ABCA6: variants seen among roughly 807,000 people sequenced by gnomAD.
ABCA6 encodes the protein ATP binding cassette subfamily A member 6, also known as ATP-binding cassette sub-family A member 6.
Under a neutral mutation model 191.2 loss-of-function variants are expected in ABCA6, and 164 were observed. That is an observed-to-expected ratio of 0.86 (90% CI 0.76 to 0.98). The LOEUF (loss-of-function observed/expected upper bound fraction) is 0.98, where lower values mean the gene tolerates loss of function less well. Among genes scored for constraint, ABCA6 ranks in the 50% least tolerant of loss-of-function variants. The probability of loss-of-function intolerance (pLI) is 0.00; values close to 1 mark genes in which losing one functional copy is unlikely to be tolerated. For missense variants in ABCA6, 1,958 were observed against 1,894.1 expected (o/e 1.03, Z -0.63); for synonymous variants, 636 against 647.7 (o/e 0.98, Z 0.27).
At chr17:69,096,510 T>G in intron 24 of ABCA6, 118 bp downstream of exon 24, 1 of 922,258 alleles carries the variant, frequency 1.1e-6, no homozygotes, top group South Asian at 3.3e-5. Flanking sequence ...CTTTGCATGT[T>G]TTTTGTTTTG....
At position 69,123,237 on chromosome 17, in the gene ABCA6, ACC is replaced by A; in HGVS notation, c.1436_1436+1del. On this transcript the variant is annotated splice_donor_variant and coding_sequence_variant, in exon 10 of 39. Transcript: ENST00000284425. LOFTEE classifies it high-confidence loss of function. ...ATTAGTATTACTTATAAGTGTGATT[ACC>A]TGATGGCTTCTTTTCCTTGGAATTC... 6.9e-7 allele frequency: 1 copy of A among 1,458,876 alleles called. No individual in the cohort carries two copies. Among genetic ancestry groups the A allele is most frequent in the Non-Finnish European group, 9.2e-7 (1 of 1,091,488 alleles). The allele number at this position is 1,458,876 out of a possible 1,614,324, so 90.4% of individuals were successfully genotyped here. A position where few individuals can be genotyped will look rare whatever the true frequency, so the allele number is the denominator to read the frequency against.
chr17:69,136,053 A>G, intron 4 of ABCA6, 39 bp downstream of exon 4: 1 of 1,586,174 alleles, frequency 6.3e-7, no homozygotes, highest in Non-Finnish European at 8.6e-7. Flanking sequence ...TGTTGAAAAC[A>G]TGAAAAATTC....
At chr17:69,107,671 C>T in intron 18 of ABCA6, 25 bp downstream of exon 18, 1 of 1,457,802 alleles carries the variant, frequency 6.9e-7, no homozygotes, top group Non-Finnish European at 9.5e-7. Context: ...AATTGGTTTT[C>T]TGTGAATTAT....
At chr17:69,137,685 A>G (rs907007365) in intron 2 of ABCA6, among the ~76,000 whole-genome samples, 185 bp from the exon 3 acceptor site, 1 of 152,196 alleles carries the variant, frequency 6.6e-6, no homozygotes, top group Non-Finnish European at 1.5e-5. Flanking sequence ...AGCCACATTT[A>G]TCATTCTCTA....
At position 69,113,614 on chromosome 17, in the gene ABCA6, T is replaced by A. The variant is rs1428192792; in HGVS notation, c.1902+4A>T. Reference sequence around the variant, plus strand: ...CTTCCTTCCCCATGCATAATCTCACTTACTTGAGGATCTCCTAAAATGGTA... The same window carrying A: ...CTTCCTTCCCCATGCATAATCTCACATACTTGAGGATCTCCTAAAATGGTA... On this transcript the variant is annotated splice_donor_region_variant and intron_variant, in intron 14 of 38. Transcript: ENST00000284425. The A allele has an allele frequency of 6.2e-7, 1 of 1,612,904 alleles. No homozygotes were observed.
chr17:69,140,538 AAGAGAATC>A, intron 2 of ABCA6, 62 bp downstream of exon 2: 1 of 858,006 alleles, frequency 1.2e-6, no homozygotes, highest in Non-Finnish European at 1.7e-6. Context: ...AAGAGAACAT[AAGAGAATC>A]AGTAGGTAAT....
Position 69,096,643 on chromosome 17 carries a change from T to C in ABCA6, c.3279A>G (p.Gln1093=). 1.3e-6 allele frequency: 2 copies of C among 1,535,202 alleles called. No homozygotes were observed. The highest frequency in any genetic ancestry group is 4.7e-5 in the East Asian group (2 of 42,812). ...TGTTACTTACCAAAGCAAACACAATTTGGCTTGTAATAAGAAGGTACTGCA... is the reference window on the plus strand; with the variant it reads ...TGTTACTTACCAAAGCAAACACAATCTGGCTTGTAATAAGAAGGTACTGCA... ...ENMQYLLITS[Q]IVFALVIVTP... Residue 1093 remains glutamine, a synonymous_variant, in exon 24 of 39, where the codon CAA becomes CAG. Transcript: ENST00000284425.
At chr17:69,105,910 A>C (rs1221715067) in intron 19 of ABCA6, 118 bp downstream of exon 19, 2 of 1,151,012 alleles carry the variant, frequency 1.7e-6, no homozygotes, top group Admixed American at 5.5e-5. Flanking sequence ...TTAAATGCTG[A>C]ATTTATCCAC....
intron 31 of ABCA6, 32 bp from the exon 32 acceptor site, chr17:69,085,214 G>A (rs1395306028): frequency 6.3e-7 from 1 of 1,575,334 alleles, no homozygotes; most frequent in East Asian, 2.3e-5. Context: ...AGAAAGGCAT[G>A]CAGCCTTTAT....
At position 69,078,875 on chromosome 17, in the gene ABCA6, G is replaced by A. The variant is rs117264916; in HGVS notation, c.*98C>T. 3,177 of 687,132 alleles carry A rather than the reference G, an allele frequency of 4.6e-3. 22 individuals are homozygous for A. Among genetic ancestry groups the A allele is most frequent in the Admixed American group, 7.6e-3 (213 of 28,006 alleles). The allele number at this position is 687,132 out of a possible 1,614,324, so 42.6% of individuals were successfully genotyped here. On this transcript the variant is annotated 3_prime_UTR_variant, in exon 39 of 39. Coordinates refer to ENST00000284425, the MANE Select transcript of ABCA6 (RefSeq NM_080284.3). ...ACTAAATTTACAAAATATACCTGAT[G>A]TTAATTTTAAATGATCTTTAAAATT...
Position 69,129,700 on chromosome 17 carries a change from G to A in ABCA6, c.843C>T (p.Phe281=), listed in dbSNP as rs531506351. The A allele has an allele frequency of 6.9e-6, 11 of 1,602,206 alleles. No homozygotes were observed. The highest frequency in any genetic ancestry group is 1.7e-5 in the Admixed American group (1 of 59,648). ...YAGFIFIISI[F]VTIIITFTQI... ...GGGTGAATGTTATGATAATTGTAAC[G>A]AATATGGAAATAATAAAGATGAAGC... Residue 281 remains phenylalanine (F), a synonymous_variant, in exon 7 of 39, where the codon TTC becomes TTT. Transcript: ENST00000284425.
intron 22 of ABCA6, 64 bp downstream of exon 22, chr17:69,100,733 G>A: frequency 6.9e-7 from 1 of 1,450,262 alleles, no homozygotes; most frequent in East Asian, 2.4e-5. Context: ...AAAAGCTAAA[G>A]AGAGAAAACA....
Position 69,085,021 on chromosome 17 carries a change from T to C in ABCA6, c.4184+7A>G, listed in dbSNP as rs763423046. On this transcript the variant is annotated splice_region_variant and intron_variant, in intron 32 of 38. Coordinates refer to ENST00000284425, the MANE Select transcript of ABCA6 (RefSeq NM_080284.3). The stretch of plus-strand genomic sequence containing the variant: ...TGACACAAAGGAATCGCAGGTCCCG[T>C]CTGTACCTTGCGATGGCGAGCCTCG... The C allele has an allele frequency of 4.4e-6, 7 of 1,607,094 alleles. No homozygotes were observed. Among genetic ancestry groups the C allele is most frequent in the Non-Finnish European group, 5.9e-6 (7 of 1,178,228 alleles).
chr17:69,106,334 T>C (rs1473534940), intron 18 of ABCA6, 123 bp from the exon 19 acceptor site: 4 of 1,012,110 alleles, frequency 4.0e-6, no homozygotes, highest in South Asian at 2.1e-5. Context: ...GGCTTATGCC[T>C]GTAATCCCAG....
chr17:69,125,281 ATTTG>A (rs557179625), intron 8 of ABCA6, among the ~76,000 whole-genome samples: 176 of 151,930 alleles, frequency 1.2e-3, no homozygotes, highest in Non-Finnish European at 2.0e-3. Flanking sequence ...ATTATAATTC[ATTTG>A]TTTGTTTTCA....
rs1246381322 is a variant in ABCA6 at position 69,104,672 on chromosome 17, C to CA, written c.2740+789dup. The CA allele has an allele frequency of 4.1e-5, 3 of 73,820 alleles. 1 individual carries two copies. Among genetic ancestry groups the CA allele is most frequent in the East Asian group, 5.5e-4 (2 of 3,644 alleles). 4.6% of individuals were successfully genotyped at this position (73,820 alleles called of 1,614,324 possible). A position where few individuals can be genotyped will look rare whatever the true frequency, so the allele number is the denominator to read the frequency against. On this transcript the variant is annotated intron_variant, in intron 20 of 38. Transcript: ENST00000284425. Reference sequence around the variant, plus strand: ...AGCGGTTAGGAAAAAAACAAAAAAACAAAAAAACAATTACTGGCCGGGCGC... The same window carrying CA: ...AGCGGTTAGGAAAAAAACAAAAAAACAAAAAAAACAATTACTGGCCGGGCGC...
chr17:69,090,059 A>G (rs142480147), intron 26 of ABCA6, among the ~76,000 whole-genome samples: 4 of 152,306 alleles, frequency 2.6e-5, no homozygotes, highest in African/African-American at 9.6e-5. Context: ...TTCCTCCTAT[A>G]TAATACATGA....
At chr17:69,105,418 A>G (rs754391999) in intron 20 of ABCA6, 44 bp downstream of exon 20, 1 of 1,544,274 alleles carries the variant, frequency 6.5e-7, no homozygotes, top group Non-Finnish European at 8.8e-7. Flanking sequence ...ATTCAACAAT[A>G]AAAATAACTT....
At chr17:69,110,035 C>T (rs957457741) in intron 17 of ABCA6, 3 of 152,210 alleles carry the variant, frequency 2.0e-5, no homozygotes, top group African/African-American at 7.2e-5. Flanking sequence ...TGTTGCACCT[C>T]AAACTGCAAA....
Sources: gnomAD v4.1 joint callset for allele counts (sites outside exome capture counted in the v4.1 genomes callset) on GRCh38, gnomAD v4.1.1 for gene constraint, MANE v1.5 for transcripts, NCBI Gene and HGNC (gene_info 2026-07-23, HGNC 2026-07-21) for gene names.